AAK1: variants seen among roughly 807,000 people sequenced by gnomAD.
AAK1 encodes AP2-associated protein kinase 1.
In AAK1, 37 loss-of-function variants were observed where a neutral mutation model predicts 116.0. That is an observed-to-expected ratio of 0.32 (90% CI 0.25 to 0.42). AAK1 has a LOEUF of 0.42. Ranked by LOEUF, AAK1 falls within the 10% of genes least tolerant of loss-of-function variation. The pLI is 1.00. For missense variants in AAK1, 919 were observed against 1,170.6 expected (o/e 0.79, Z 3.14); for synonymous variants, 458 against 439.9 (o/e 1.04, Z -0.51).
At chr2:69,628,561 C>A (rs1426253385) in intron 2 of AAK1, among the ~76,000 whole-genome samples, 4 of 152,096 alleles carry the variant, frequency 2.6e-5, no homozygotes, top group Non-Finnish European at 5.9e-5. Flanking sequence ...TGTGAGCTAA[C>A]CCTAGAAGCA....
intron 6 of AAK1, among the ~76,000 whole-genome samples, chr2:69,531,168 C>T (rs1202015025): frequency 1.3e-5 from 2 of 152,188 alleles, no homozygotes; most frequent in East Asian, 3.9e-4. Flanking sequence ...AAGAGCCCTT[C>T]CTCTTTGCTC....
rs1160244963 is a variant in AAK1 at position 69,470,217 on chromosome 2, C to G, written c.*5652G>C. On this transcript the variant is annotated 3_prime_UTR_variant, in exon 22 of 22. Coordinates refer to ENST00000409085, the MANE Select transcript of AAK1 (RefSeq NM_014911.5). ...TACAGGGAGTATCAAAGATATGATT[C>G]TTGCCAAAAACAGAAAACGAAGACT... The G allele has an allele frequency of 1.0e-6, 1 of 985,266 alleles. No individual in the cohort carries two copies. The highest frequency in any genetic ancestry group is 1.2e-6 in the Non-Finnish European group (1 of 829,920). 61.0% of individuals were successfully genotyped at this position (985,266 alleles called of 1,614,324 possible).
At chr2:69,570,451 G>A (rs1259213578) in intron 2 of AAK1, among the ~76,000 whole-genome samples, 1 of 151,990 alleles carries the variant, frequency 6.6e-6, no homozygotes, top group Non-Finnish European at 1.5e-5. Context: ...TATCTTGGAT[G>A]TGTTAATCTC....
At chr2:69,546,226 C>A (rs1006162471) in intron 3 of AAK1, among the ~76,000 whole-genome samples, 3 of 152,076 alleles carry the variant, frequency 2.0e-5, no homozygotes, top group Non-Finnish European at 2.9e-5. Context: ...AGAACAAGGT[C>A]ATTTCCTAAA....
intron 5 of AAK1, among the ~76,000 whole-genome samples, chr2:69,541,174 G>A (rs2105049111): frequency 6.6e-6 from 1 of 151,916 alleles, no homozygotes; most frequent in South Asian, 2.1e-4. Flanking sequence ...TTAGATAGTA[G>A]CGATGGTTAC....
chr2:69,497,146 AT>A (rs112802165), intron 16 of AAK1, among the ~76,000 whole-genome samples: 1 of 151,200 alleles, frequency 6.6e-6, no homozygotes, highest in African/African-American at 2.4e-5. Flanking sequence ...CATTCTTTTT[AT>A]TTTTTTTCTC....
intron 3 of AAK1, among the ~76,000 whole-genome samples, chr2:69,554,788 A>C (rs1187244264): frequency 6.6e-6 from 1 of 152,244 alleles, no homozygotes; most frequent in Non-Finnish European, 1.5e-5. Context: ...TTTTTGTAAC[A>C]AGCTTAGTTC....
chr2:69,521,782 C>T (rs1237558291), intron 10 of AAK1, among the ~76,000 whole-genome samples: 2 of 152,192 alleles, frequency 1.3e-5, no homozygotes, highest in Non-Finnish European at 2.9e-5. Flanking sequence ...CTGTCTTCCT[C>T]TTTGACTATT....
intron 2 of AAK1, among the ~76,000 whole-genome samples, chr2:69,581,584 G>A (rs531476196): frequency 6.6e-6 from 1 of 152,256 alleles, no homozygotes; most frequent in African/African-American, 2.4e-5. Context: ...GCAGAGCAAC[G>A]TTTTAATTCA....
At chr2:69,641,927 T>G (rs1675744425) in intron 2 of AAK1, among the ~76,000 whole-genome samples, 2 of 152,150 alleles carry the variant, frequency 1.3e-5, no homozygotes, top group South Asian at 4.1e-4. Context: ...AATTGCTTCA[T>G]GCCAAGGAAA....
chr2:69,524,886 T>C, intron 10 of AAK1, 147 bp downstream of exon 10: 2 of 700,118 alleles, frequency 2.9e-6, no homozygotes, highest in East Asian at 2.7e-5. Context: ...CAAAGAACCG[T>C]TTCTGCCTAG....
At chr2:69,587,858 T>C (rs2105160584) in intron 2 of AAK1, among the ~76,000 whole-genome samples, 1 of 152,148 alleles carries the variant, frequency 6.6e-6, no homozygotes, top group African/African-American at 2.4e-5. Flanking sequence ...GTGATCTTCC[T>C]ACCTTGGCCT....
chr2:69,482,867 C>T (rs1224641306), intron 17 of AAK1, 55 bp from the exon 18 acceptor site: 2 of 1,098,386 alleles, frequency 1.8e-6, no homozygotes, highest in Non-Finnish European at 2.8e-6. Context: ...ATATTAAAGC[C>T]AGCGGATCAT....
intron 5 of AAK1, among the ~76,000 whole-genome samples, chr2:69,540,543 G>GA (rs1190320053): frequency 6.6e-6 from 1 of 152,184 alleles, no homozygotes; most frequent in Non-Finnish European, 1.5e-5. Context: ...CCTTAATATA[G>GA]AAATGCCAGG....
At chr2:69,636,395 G>A (rs1430472889) in intron 2 of AAK1, among the ~76,000 whole-genome samples, 1 of 152,162 alleles carries the variant, frequency 6.6e-6, no homozygotes, top group Non-Finnish European at 1.5e-5. Flanking sequence ...CATTTATGAT[G>A]AACTTCATCC....
intron 17 of AAK1, among the ~76,000 whole-genome samples, chr2:69,485,209 T>A (rs1675246566): frequency 6.6e-6 from 1 of 152,188 alleles, no homozygotes; most frequent in South Asian, 2.1e-4. Flanking sequence ...ATATTTGCAA[T>A]CTTGAAAAGC....
At chr2:69,503,518 GTT>G (rs1224850451) in intron 16 of AAK1, among the ~76,000 whole-genome samples, 2 of 151,972 alleles carry the variant, frequency 1.3e-5, no homozygotes, top group Non-Finnish European at 2.9e-5. Context: ...TAGAAGTTTT[GTT>G]TTTGTTTTTG....
chr2:69,499,770 A>C (rs1675899966), intron 16 of AAK1: 1 of 152,250 alleles, frequency 6.6e-6, no homozygotes. Context: ...GCAAAACTGA[A>C]TATACGGTGT....
chr2:69,642,850 A>C (rs1357978212), intron 2 of AAK1, 28 bp downstream of exon 2: 12 of 1,613,336 alleles, frequency 7.4e-6, no homozygotes, highest in Non-Finnish European at 1.0e-5. Flanking sequence ...CAAGATTTTA[A>C]TTTACGGCGC....
Sources: gnomAD v4.1 joint callset for allele counts (sites outside exome capture counted in the v4.1 genomes callset) on GRCh38, gnomAD v4.1.1 for gene constraint, MANE v1.5 for transcripts, NCBI Gene and HGNC (gene_info 2026-07-23, HGNC 2026-07-21) for gene names.